The following BMPR2 variants were observed in gnomAD, a reference collection of about 807,000 sequenced individuals.
BMPR2 encodes bone morphogenetic protein receptor type-2.
In BMPR2, 29 loss-of-function variants were observed where a neutral mutation model predicts 100.8. The observed-to-expected ratio is 0.29, with a 90% CI of 0.21 to 0.39. The LOEUF is 0.39. Among genes scored for constraint, BMPR2 ranks in the 10% least tolerant of loss-of-function variants. The pLI, the probability that BMPR2 is intolerant of heterozygous loss-of-function variation, is 1.00. For missense variants in BMPR2, 1,011 were observed against 1,274.5 expected (o/e 0.79, Z 3.15); for synonymous variants, 382 against 442.3 (o/e 0.86, Z 1.71).
intron 1 of BMPR2, among the ~76,000 whole-genome samples, chr2:202,411,852 TA>T (rs1184345517): frequency 3.3e-5 from 5 of 152,132 alleles, no homozygotes; most frequent in Non-Finnish European, 1.5e-5. Flanking sequence ...CTCAAAGTCA[TA>T]AACAAGAAAG....
intron 1 of BMPR2, among the ~76,000 whole-genome samples, chr2:202,458,085 A>G (rs114513851): frequency 2.3e-3 from 348 of 152,078 alleles, no homozygotes; most frequent in African/African-American, 8.0e-3. Flanking sequence ...TGATATGGTA[A>G]CACATGGACA....
At chr2:202,525,857 CTTTTTTTTTT>C (rs386392340) in intron 7 of BMPR2, among the ~76,000 whole-genome samples, 19 of 69,362 alleles carry the variant, frequency 2.7e-4, no homozygotes, top group African/African-American at 9.6e-4. Flanking sequence ...TTCAGAGCAT[CTTTTTTTTTT>C]TTTTTTTTTT....
chr2:202,402,264 A>G (rs914495038), intron 1 of BMPR2, among the ~76,000 whole-genome samples: 12 of 151,982 alleles, frequency 7.9e-5, no homozygotes, highest in African/African-American at 4.8e-5. Context: ...CACACCTGTA[A>G]TCCCAGCAGT....
intron 7 of BMPR2, among the ~76,000 whole-genome samples, chr2:202,527,342 G>A (rs1294310190): frequency 1.3e-5 from 2 of 151,420 alleles, no homozygotes; most frequent in East Asian, 3.9e-4. Context: ...AAAAAAATTA[G>A]CTGGGCGTGG....
chr2:202,469,323 C>T (rs534770545), intron 3 of BMPR2, among the ~76,000 whole-genome samples: 6 of 151,968 alleles, frequency 3.9e-5, no homozygotes, highest in Admixed American at 1.3e-4. Flanking sequence ...CCACCGTACT[C>T]GGCCTGAGTG....
chr2:202,380,703 A>C (rs371039923), intron 1 of BMPR2, among the ~76,000 whole-genome samples: 75 of 147,674 alleles, frequency 5.1e-4, no homozygotes, highest in African/African-American at 1.5e-3. Context: ...GCTCACTGCA[A>C]CCTCCACCTC....
chr2:202,407,511 G>C (rs985150675), intron 1 of BMPR2, among the ~76,000 whole-genome samples: 1 of 151,508 alleles, frequency 6.6e-6, no homozygotes, highest in South Asian at 2.1e-4. Context: ...GGTCGCTCAC[G>C]CCTGTAATCC....
chr2:202,413,799 G>A (rs951714122), intron 1 of BMPR2, among the ~76,000 whole-genome samples: 4 of 151,772 alleles, frequency 2.6e-5, no homozygotes, highest in Admixed American at 2.6e-4. Context: ...TGAATAGCTG[G>A]GACCACAGGC....
chr2:202,492,090 CA>C, intron 3 of BMPR2, among the ~76,000 whole-genome samples: 1 of 151,756 alleles, frequency 6.6e-6, no homozygotes, highest in Non-Finnish European at 1.5e-5. Context: ...CAGAAATAGG[CA>C]AAAAAACTCA....
intron 1 of BMPR2, among the ~76,000 whole-genome samples, chr2:202,380,340 TTACA>T (rs1424051806): frequency 2.6e-5 from 4 of 152,214 alleles, no homozygotes; most frequent in South Asian, 2.1e-4. Flanking sequence ...GATTGCAATT[TTACA>T]TACATCTCTT....
At chr2:202,535,288 C>G (rs1240043446) in intron 9 of BMPR2, among the ~76,000 whole-genome samples, 23 of 151,256 alleles carry the variant, frequency 1.5e-4, no homozygotes, top group Non-Finnish European at 8.9e-5. Context: ...ACTTCTCAGA[C>G]GGGGCGGCTG....
At chr2:202,475,883 C>G (rs1692537350) in intron 3 of BMPR2, among the ~76,000 whole-genome samples, 1 of 151,596 alleles carries the variant, frequency 6.6e-6, no homozygotes, top group Admixed American at 6.6e-5. Context: ...CCAGACTGAT[C>G]AACATGGAGA....
rs1003628001 is a variant in BMPR2 at position 202,442,864 on chromosome 2, T to C, written c.77-21945T>C. Among the ~76,000 whole-genome samples, 41 of 150,736 alleles carry C rather than the reference T, an allele frequency of 2.7e-4. 3 individuals are homozygous for C. Among genetic ancestry groups the C allele is most frequent in the African/African-American group, 1.0e-3 (40 of 40,044 alleles). On this transcript the variant is annotated intron_variant, in intron 1 of 12. Transcript: ENST00000374580. ...ATCTGTTGATGTACATTTAAGTTGC[T>C]TCCACCTCTTGCCTATTGTGAATAA... is the stretch of plus-strand genomic sequence containing the variant.
At chr2:202,522,456 G>T (rs556281751) in intron 7 of BMPR2, among the ~76,000 whole-genome samples, 1 of 150,944 alleles carries the variant, frequency 6.6e-6, no homozygotes, top group Admixed American at 6.6e-5. Context: ...GCAATGAGCC[G>T]AGATCACGCC....
intron 1 of BMPR2, among the ~76,000 whole-genome samples, chr2:202,425,270 C>T (rs531925112): frequency 1.1e-4 from 16 of 152,234 alleles, no homozygotes; most frequent in Middle Eastern, 3.4e-3. Flanking sequence ...TTGCCCCAGC[C>T]AGAATAGATT....
intron 1 of BMPR2, among the ~76,000 whole-genome samples, chr2:202,392,782 C>T (rs1342055824): frequency 6.6e-6 from 1 of 151,836 alleles, no homozygotes; most frequent in Non-Finnish European, 1.5e-5. Context: ...CATCTGAGGT[C>T]GGGAGTTCGA....
At chr2:202,447,496 G>C (rs1448938063) in intron 1 of BMPR2, among the ~76,000 whole-genome samples, 1 of 150,534 alleles carries the variant, frequency 6.6e-6, no homozygotes, top group Admixed American at 6.6e-5. Context: ...GTGCAAGAGG[G>C]CGAGACCCCA....
intron 1 of BMPR2, among the ~76,000 whole-genome samples, chr2:202,438,128 A>G (rs749267147): frequency 3.3e-5 from 5 of 149,964 alleles, no homozygotes; most frequent in Admixed American, 6.6e-5. Context: ...ACCCTGACCA[A>G]CATGGAGAAA....
chr2:202,558,739 C>A (rs534585607), intron 12 of BMPR2, among the ~76,000 whole-genome samples: 1 of 151,594 alleles, frequency 6.6e-6, no homozygotes, highest in East Asian at 2.0e-4. Context: ...ACTAAAAATA[C>A]AAAAGTAGCC....
Sources: gnomAD v4.1 joint callset for allele counts (sites outside exome capture counted in the v4.1 genomes callset) on GRCh38, gnomAD v4.1.1 for gene constraint, MANE v1.5 for transcripts, NCBI Gene and HGNC (gene_info 2026-07-23, HGNC 2026-07-21) for gene names.